KCTD14: variants seen among roughly 807,000 people sequenced by gnomAD.
KCTD14 encodes BTB/POZ domain-containing protein KCTD14.
In KCTD14, 7 loss-of-function variants were observed where a neutral mutation model predicts 5.9. The ratio of observed to expected loss-of-function variants is 1.19; its 90% CI spans 0.68 to 2.23. KCTD14 has a LOEUF of 2.23. Ranked by LOEUF, KCTD14 falls within the 30% of genes most tolerant of loss-of-function variation. The pLI, the probability that KCTD14 is intolerant of heterozygous loss-of-function variation, is 0.00. For missense variants in KCTD14, 342 were observed against 332.2 expected, an observed-to-expected ratio of 1.03 and a Z score of -0.23; for synonymous variants, 140 against 133.1, an observed-to-expected ratio of 1.05 and a Z score of -0.36.
chr11:78,030,002 T>A (rs1310551824), intron 2 of KCTD14, among the ~76,000 whole-genome samples: 2 of 152,080 alleles, frequency 1.3e-5, no homozygotes, highest in East Asian at 3.9e-4. Flanking sequence ...GCCAGGATGG[T>A]CTCGATCTCC....
rs1473116268 is a variant in KCTD14, at chr11:78,016,915, A to G, written c.446T>C (p.Leu149Pro). 6 of 1,614,114 alleles carry G rather than the reference A, an allele frequency of 3.7e-6. No individual in the cohort carries two copies. The highest frequency in any genetic ancestry group is 4.2e-6 in the Non-Finnish European group (5 of 1,180,044). The change falls in exon 2 of 2, where the codon CTG (leucine) becomes CCG (proline). Residue 149 changes from leucine to proline, a missense_variant. Coordinates refer to ENST00000353172, the MANE Select transcript of KCTD14 (RefSeq NM_023930.4). ...ACGTGCCAGGCGCACCATGAGCTCC[A>G]GGTTCTCGCTGTAGCCCGGCACTTG... The part of the protein sequence containing the change: ...LLQVPGYSEN[L>P]ELMVRLARAE...
intron 1 of KCTD14, among the ~76,000 whole-genome samples, chr11:78,041,481 C>G (rs1271147276): frequency 6.6e-6 from 1 of 152,164 alleles, no homozygotes; most frequent in African/African-American, 2.4e-5. Context: ...TAGGCAACAA[C>G]AGGAGGTAAA....
At chr11:78,030,606 C>T (rs1335036156) in intron 2 of KCTD14, among the ~76,000 whole-genome samples, 1 of 152,248 alleles carries the variant, frequency 6.6e-6, no homozygotes, top group Non-Finnish European at 1.5e-5. Context: ...GCACTGCTTC[C>T]TTCTGCCCTC....
Position 78,023,199 on chromosome 11 carries a change from C to G in KCTD14, c.51G>C (p.Gln17His), listed in dbSNP as rs1857353487. The G allele has an allele frequency of 6.2e-7, 1 of 1,606,716 alleles. No homozygotes were observed. Among genetic ancestry groups the G allele is most frequent in the Non-Finnish European group, 8.5e-7 (1 of 1,178,770 alleles). Residue 17 changes from glutamine to histidine, a missense_variant, in exon 1 of 2, where the codon CAG (glutamine) becomes CAC (histidine). Physicochemically the swap from Gln to His is conservative, Grantham distance 24. Transcript: ENST00000353172. ...GCCGGGGGGACTGGGGCAGAGGGGT[C>G]TGGCTCGTCATCCTGCCCACTGGCC... is the stretch of plus-strand genomic sequence containing the variant. ...VERPVGRMTSQTPLPQSPRPR... is the reference protein window; with the variant it reads ...VERPVGRMTSHTPLPQSPRPR...
chr11:78,018,216 C>T (rs1047716294), intron 1 of KCTD14, among the ~76,000 whole-genome samples: 3 of 152,006 alleles, frequency 2.0e-5, no homozygotes, highest in African/African-American at 4.8e-5. Context: ...AGCCTTTTTC[C>T]CTCTTACAGC....
rs1179354741 is a variant in KCTD14, at chr11:78,017,208, C to G, written c.153G>C (p.Leu51=). The stretch of plus-strand genomic sequence containing the variant: ...CCAGCTTTGAGCCCGGAAACTTCCT[C>G]AGGGTACCCAGGGTGGTGGTGTGGA... ...GEFHTTTLGT[L]RKFPGSKLAE... is the part of the protein sequence containing the mutation. The change falls in exon 2 of 2, where the codon CTG becomes CTC. Residue 51 remains leucine (L), a synonymous_variant. Transcript: ENST00000353172. 6.2e-7 allele frequency: 1 copy of G among 1,612,666 alleles called. No homozygotes were observed. Among genetic ancestry groups the G allele is most frequent in the African/African-American group, 1.3e-5 (1 of 74,878 alleles).
chr11:78,026,419 G>C (rs1409505182), upstream of KCTD14, among the ~76,000 whole-genome samples: 1 of 151,938 alleles, frequency 6.6e-6, no homozygotes, highest in African/African-American at 2.4e-5. Flanking sequence ...CTCCAGCCTG[G>C]AAGATAGAGT....
intron 1 of KCTD14, 121 bp downstream of exon 1, chr11:78,023,039 G>T (rs1184224283): frequency 9.0e-6 from 6 of 668,104 alleles, no homozygotes; most frequent in Non-Finnish European, 1.3e-5. Flanking sequence ...GGGACAGCGC[G>T]CCAGAAGCAG....
At position 78,016,326 on chromosome 11, in the gene KCTD14, G is replaced by T; in HGVS notation, c.*267C>A. Reference sequence around the variant, plus strand: ...ACGCATTGTTGAAACATTCTTACTTGGTCTTGTTATTGGACTTCAAGAGAA... The same window carrying T: ...ACGCATTGTTGAAACATTCTTACTTTGTCTTGTTATTGGACTTCAAGAGAA... On this transcript the variant is annotated 3_prime_UTR_variant, in exon 2 of 2. Transcript: ENST00000353172. The T allele has an allele frequency of 2.0e-6, 1 of 496,178 alleles. No homozygotes were observed. The highest frequency in any genetic ancestry group is 3.6e-6 in the Non-Finnish European group (1 of 278,910). The allele number at this position is 496,178 out of a possible 1,614,324, so 30.7% of individuals were successfully genotyped here. A position where few individuals can be genotyped will look rare whatever the true frequency, so the allele number is the denominator to read the frequency against.
chr11:78,032,458 A>G (rs148740094), intron 2 of KCTD14, among the ~76,000 whole-genome samples: 7 of 152,364 alleles, frequency 4.6e-5, no homozygotes, highest in Non-Finnish European at 1.0e-4. Flanking sequence ...ATCTCATTTA[A>G]TCTTCACAAC....
intron 1 of KCTD14, among the ~76,000 whole-genome samples, chr11:78,020,405 TC>T (rs1482885262): frequency 3.3e-5 from 5 of 152,076 alleles, no homozygotes; most frequent in Non-Finnish European, 5.9e-5. Context: ...CATGACAACA[TC>T]TCCTACCAGG....
rs191644899 is a variant in KCTD14, at chr11:78,039,439, G to C, written c.-95-681C>G. 5.7e-3 allele frequency among the ~76,000 whole-genome samples: 862 copies of C among 152,172 alleles called. 7 individuals are homozygous for C. The highest frequency in any genetic ancestry group is 0.019 in the African/African-American group (798 of 41,504). On this transcript the variant is annotated intron_variant, in intron 1 of 2. Coordinates refer to the KCTD14 transcript ENST00000533144. ...AGCTACTCAGGAGGCTGAGGCGGGA[G>C]GATTGCTTGAGCCCCAGTAGTTGAG...
upstream of KCTD14, among the ~76,000 whole-genome samples, chr11:78,028,129 C>T (rs866191705): frequency 2.4e-4 from 37 of 152,058 alleles, no homozygotes; most frequent in African/African-American, 8.2e-4. Flanking sequence ...CGAGTATATA[C>T]CCTTGATGTG....
intron 1 of KCTD14, among the ~76,000 whole-genome samples, chr11:78,043,624 G>A (rs1276757628): frequency 2.0e-5 from 3 of 152,196 alleles, no homozygotes; most frequent in Non-Finnish European, 2.9e-5. Context: ...CTCGTGGGGT[G>A]TCAGGGAAGG....
chr11:78,023,860 A>G (rs1016912888), upstream of KCTD14: 1 of 152,422 alleles, frequency 6.6e-6, no homozygotes, highest in Non-Finnish European at 1.5e-5. Context: ...TATTCCCTAC[A>G]GTCCTAGGGA....
rs572414723 is a variant in KCTD14 at position 78,016,864 on chromosome 11, G to C, written c.497C>G (p.Ser166Cys). Residue 166 changes from serine to cysteine, a missense_variant, in exon 2 of 2, where the codon TCC (serine) becomes TGC (cysteine). Physicochemically the swap from Ser to Cys is moderately radical, Grantham distance 112 (BLOSUM62 -1). Coordinates refer to ENST00000353172, the MANE Select transcript of KCTD14 (RefSeq NM_023930.4). ...ARAEAITARK[S>C]SVLVCLVETE... ...TTCCACCAGGCACACAAGCACGCTG[G>C]ACTTCCGTGCTGTTATGGCTTCTGC... 66 of 1,614,200 alleles carry C rather than the reference G, an allele frequency of 4.1e-5. No homozygotes were observed. Among genetic ancestry groups the C allele is most frequent in the Non-Finnish European group, 5.3e-5 (62 of 1,180,026 alleles).
upstream of KCTD14, among the ~76,000 whole-genome samples, chr11:78,027,795 G>A (rs1857507009): frequency 6.6e-6 from 1 of 152,152 alleles, no homozygotes; most frequent in Non-Finnish European, 1.5e-5. Context: ...ATAGACCAAG[G>A]TTTTATCATG....
upstream of KCTD14, among the ~76,000 whole-genome samples, chr11:78,027,972 G>C (rs1398782123): frequency 6.6e-6 from 1 of 152,070 alleles, no homozygotes; most frequent in Non-Finnish European, 1.5e-5. Flanking sequence ...TTCCAAAAGG[G>C]GGAAGGGTAT....
At chr11:78,040,678 T>TA (rs34041363) in intron 1 of KCTD14, among the ~76,000 whole-genome samples, 125,092 of 150,988 alleles carry the variant, frequency 0.83, 51,940 homozygotes, top group African/African-American at 0.86. Flanking sequence ...TTTATTATTT[T>TA]TTTTTTTTTG....
Sources: gnomAD v4.1 joint callset for allele counts (sites outside exome capture counted in the v4.1 genomes callset) on GRCh38, gnomAD v4.1.1 for gene constraint, MANE v1.5 for transcripts, NCBI Gene and HGNC (gene_info 2026-07-23, HGNC 2026-07-21) for gene names.